The following MICAL3 variants were observed in gnomAD, a reference collection of about 807,000 sequenced individuals.
MICAL3 encodes the protein [F-actin]-monooxygenase MICAL3.
Under a neutral mutation model 207.4 loss-of-function variants are expected in MICAL3, and 62 were observed. That is an observed-to-expected ratio of 0.30 (90% CI 0.24 to 0.37). The LOEUF (loss-of-function observed/expected upper bound fraction) is 0.37. Among genes scored for constraint, MICAL3 ranks in the 10% least tolerant of loss-of-function variants. The pLI is 1.00. For synonymous variants in MICAL3, 1,077 were observed against 1,069.3 expected (o/e 1.01, Z -0.14); for missense variants, 2,368 against 2,635.6 (o/e 0.90, Z 2.22).
rs1361968216 is a variant in MICAL3 at position 18,020,958 on chromosome 22, AAATAAATAAAAT to A, written c.-75+3311_-75+3322del. Among the ~76,000 whole-genome samples the A allele has an allele frequency of 2.1e-5, 3 of 141,268 alleles. No individual in the cohort carries two copies. In the South Asian group the frequency reaches 6.5e-4, roughly 31 times the overall value. The allele number at this position is 141,268 out of a possible 152,430, so 92.7% of individuals were successfully genotyped here. A position where few individuals can be genotyped will look rare whatever the true frequency, so the allele number is the denominator to read the frequency against. ...TAAATAAATAAATAAATAAATAAATAAATAAATAAAATGGCCCACCAAGTTGATTTCATGACT... is the reference window on the plus strand; with the variant it reads ...TAAATAAATAAATAAATAAATAAATAGGCCCACCAAGTTGATTTCATGACT... On this transcript the variant is annotated intron_variant, in intron 1 of 31. Coordinates refer to ENST00000441493, the MANE Select transcript of MICAL3 (RefSeq NM_015241.3).
chr22:17,841,978 T>C lies in MICAL3; in HGVS notation c.2645A>G (p.Lys882Arg), dbSNP rs1924058427. 2.5e-6 allele frequency: 4 copies of C among 1,606,228 alleles called. No individual in the cohort carries two copies. The highest frequency in any genetic ancestry group is 3.4e-6 in the Non-Finnish European group (4 of 1,179,464). Residue 882 changes from lysine to arginine, a missense_variant, in exon 20 of 32, where the codon AAG becomes AGG. Physicochemically the swap from Lys to Arg is conservative, Grantham distance 26 (BLOSUM62 2). Around this residue, in one of 4 missense-constraint regions of MICAL3, gnomAD observed 1,770 missense variants for 1,863.2 expected, o/e 0.95. Coordinates refer to ENST00000441493, the MANE Select transcript of MICAL3 (RefSeq NM_015241.3). This position sits in a 1 kb window ranked among gnomAD's most constrained non-coding sequence, Gnocchi z 4.2. ...CCGCTCTGGGGTGCCCCTCAGTCGC[T>C]TGGCGATGCTGGGCTCCTCCAGGCC... ...VNGLEEPSIA[K>R]RLRGTPERIE...
intron 19 of MICAL3, among the ~76,000 whole-genome samples, chr22:17,849,190 G>A (rs1924970279): frequency 6.6e-6 from 1 of 152,208 alleles, no homozygotes; most frequent in South Asian, 2.1e-4. Context: ...CTCTACACAC[G>A]GCCTTAAACA....
Position 17,821,514 on chromosome 22 carries a change from A to G in MICAL3, c.3449-5T>C. 3 of 1,537,354 alleles carry G rather than the reference A, an allele frequency of 2.0e-6. No individual in the cohort carries two copies. The highest frequency in any genetic ancestry group is 2.6e-6 in the Non-Finnish European group (3 of 1,142,730). ...GGCTGGTGGCTTGGGAGGGACCTGA[A>G]AAGAATGAACACAGGGACTTACAAG... On this transcript the variant is annotated splice_region_variant and splice_polypyrimidine_tract_variant and intron_variant, in intron 24 of 31. Transcript: ENST00000441493.
chr22:17,908,449 A>ATGTAGGT (rs1466367776), intron 1 of MICAL3, among the ~76,000 whole-genome samples: 6 of 152,124 alleles, frequency 3.9e-5, no homozygotes, highest in African/African-American at 1.4e-4. Flanking sequence ...CTGGGACTAC[A>ATGTAGGT]GGCACCCGCC....
chr22:17,938,752 A>G (rs1933669595), intron 1 of MICAL3, among the ~76,000 whole-genome samples: 2 of 152,172 alleles, frequency 1.3e-5, no homozygotes, highest in Non-Finnish European at 2.9e-5. Flanking sequence ...CCTCCACACC[A>G]GTGCTCCTGG....
chr22:17,976,593 T>A (rs866383750), intron 1 of MICAL3, among the ~76,000 whole-genome samples: 9 of 126,784 alleles, frequency 7.1e-5, no homozygotes, highest in South Asian at 5.1e-4. Flanking sequence ...ATATATATTT[T>A]TTTTTTTTTT....
chr22:17,886,883 G>A (rs1200963655), intron 15 of MICAL3, among the ~76,000 whole-genome samples: 5 of 149,578 alleles, frequency 3.3e-5, no homozygotes, highest in Admixed American at 1.3e-4. Flanking sequence ...TTGGGAGGCT[G>A]AGGCAGGAGA....
chr22:17,895,860 GCAT>G, intron 9 of MICAL3, among the ~76,000 whole-genome samples: 1 of 152,036 alleles, frequency 6.6e-6, no homozygotes, highest in Non-Finnish European at 1.5e-5. Context: ...TCTGGTTAAG[GCAT>G]TAGTTCTTTA....
In MICAL3 at chr22:17,818,490, G is replaced by A; in HGVS notation, c.4171C>T (p.Leu1391=). The A allele has an allele frequency of 6.2e-7, 1 of 1,613,010 alleles. No homozygotes were observed. The highest frequency in any genetic ancestry group is 2.2e-5 in the East Asian group (1 of 44,878). ...KPLSIPKRLG[L]PKPEGEPLSL... is the part of the protein sequence containing the mutation. ...AACGGCTCGCCTTCCGGCTTTGGCA[G>A]GCCCAGCCTTTTGGGGATGGACAGA... The change falls in exon 26 of 32, where the codon CTG becomes TTG. Residue 1391 remains leucine, a synonymous_variant. Coordinates refer to ENST00000441493, the MANE Select transcript of MICAL3 (RefSeq NM_015241.3).
Position 18,024,507 on chromosome 22 carries a change from C to T in MICAL3, c.-301G>A, listed in dbSNP as rs1168571275. On this transcript the variant is annotated 5_prime_UTR_variant, in exon 1 of 32. Coordinates refer to ENST00000441493, the MANE Select transcript of MICAL3 (RefSeq NM_015241.3). ...ACGGAGGGCTGCCCCGGGTGCCTGC[C>T]TACGCGGGCGCTCCCCGCCGGGACT... The T allele has an allele frequency of 6.6e-6, 1 of 151,920 alleles. No homozygotes were observed. The highest frequency in any genetic ancestry group is 2.1e-4 in the South Asian group (1 of 4,834). 9.4% of individuals were successfully genotyped at this position (151,920 alleles called of 1,614,324 possible). A position where few individuals can be genotyped will look rare whatever the true frequency, so the allele number is the denominator to read the frequency against.
chr22:17,897,105 A>C, intron 7 of MICAL3, 124 bp from the exon 8 acceptor site: 1 of 1,021,264 alleles, frequency 9.8e-7, no homozygotes. Context: ...CCAAAACCAA[A>C]ACTTTTATAC....
intron 1 of MICAL3, among the ~76,000 whole-genome samples, chr22:17,948,443 G>C (rs908354042): frequency 1.3e-5 from 2 of 152,132 alleles, no homozygotes; most frequent in African/African-American, 4.8e-5. Context: ...TGCTCTCCCT[G>C]CCCAGCTCCT....
chr22:17,960,159 T>C (rs1934834728), intron 1 of MICAL3, among the ~76,000 whole-genome samples: 2 of 152,226 alleles, frequency 1.3e-5, no homozygotes, highest in African/African-American at 4.8e-5. Flanking sequence ...TGCCCCAGCA[T>C]GGCTAGCTCA....
chr22:17,886,363 C>T (rs1929869551), intron 15 of MICAL3, among the ~76,000 whole-genome samples: 1 of 152,220 alleles, frequency 6.6e-6, no homozygotes, highest in Non-Finnish European at 1.5e-5. Context: ...CAAAGGCAAA[C>T]ATCCACAGAA....
chr22:17,804,316 G>C (rs888531750), intron 29 of MICAL3, among the ~76,000 whole-genome samples: 2 of 152,176 alleles, frequency 1.3e-5, no homozygotes, highest in African/African-American at 4.8e-5. Context: ...TCCTACAGAA[G>C]CTCTGAAATC....
intron 22 of MICAL3, among the ~76,000 whole-genome samples, chr22:17,823,266 A>G (rs1012444559): frequency 2.0e-5 from 3 of 152,184 alleles, no homozygotes; most frequent in Admixed American, 6.5e-5. Context: ...GGAGGTGGGC[A>G]TTTCTCAATG....
At position 17,871,925 on chromosome 22, in the gene MICAL3, C is replaced by T. The variant is rs772113974; in HGVS notation, c.2340G>A (p.Glu780=). 3 of 1,611,410 alleles carry T rather than the reference C, an allele frequency of 1.9e-6. No individual in the cohort carries two copies. Among genetic ancestry groups the T allele is most frequent in the South Asian group, 2.2e-5 (2 of 90,234 alleles). ...AGCAGCTCCGGTGGAAGAACTTGCC[C>T]TCGGCACTCAGCCTCTCCATCACGT... The part of the protein sequence containing the change: ...RVYVMERLSA[E]GKFFHRSCFK... Residue 780 remains glutamate, a synonymous_variant, in exon 17 of 32, where the codon GAG becomes GAA. Coordinates refer to ENST00000441493, the MANE Select transcript of MICAL3 (RefSeq NM_015241.3).
intron 29 of MICAL3, among the ~76,000 whole-genome samples, chr22:17,808,112 C>T (rs1279160325): frequency 6.6e-6 from 1 of 152,268 alleles, no homozygotes; most frequent in African/African-American, 2.4e-5. Context: ...CACTCCCTTG[C>T]ATTCTCTGTG....
At chr22:17,861,442 T>G (rs996399856) in intron 19 of MICAL3, 5 of 985,416 alleles carry the variant, frequency 5.1e-6, no homozygotes, top group Non-Finnish European at 6.0e-6. Context: ...TGATGAGCAC[T>G]CGGGGAAAAA....
Sources: gnomAD v4.1 joint callset for allele counts (sites outside exome capture counted in the v4.1 genomes callset) on GRCh38, gnomAD v4.1.1 for gene constraint, gnomAD v4.1.1 regional missense constraint, Gnocchi (gnomAD v3.1) non-coding constraint, MANE v1.5 for transcripts, NCBI Gene and HGNC (gene_info 2026-07-23, HGNC 2026-07-21) for gene names.